Variants in ACOXL observed in about 807,000 individuals in gnomAD.
ACOXL encodes acyl-CoA oxidase like.
A neutral mutation model predicts 71.9 loss-of-function variants in ACOXL; 70 were observed. That is an observed-to-expected ratio of 0.97 (90% CI 0.80 to 1.19). The LOEUF (loss-of-function observed/expected upper bound fraction) is 1.19. Ranked by LOEUF, ACOXL falls within the 50% of genes most tolerant of loss-of-function variation. The pLI, the probability that ACOXL is intolerant of heterozygous loss-of-function variation, is 0.00. For missense variants in ACOXL, 703 were observed against 736.3 expected, an observed-to-expected ratio of 0.95 and a Z score of 0.52; for synonymous variants, 253 against 281.6, an observed-to-expected ratio of 0.90 and a Z score of 1.02.
chr2:110,905,563 C>G (rs148683675), intron 10 of ACOXL, among the ~76,000 whole-genome samples: 1 of 152,154 alleles, frequency 6.6e-6, no homozygotes, highest in East Asian at 1.9e-4. Context: ...AGTTACAGAA[C>G]ATAATTAACA....
intron 10 of ACOXL, among the ~76,000 whole-genome samples, chr2:110,881,249 T>A (rs1696603852): frequency 6.6e-6 from 1 of 151,968 alleles, no homozygotes; most frequent in Non-Finnish European, 1.5e-5. Flanking sequence ...TTCTAGTGAA[T>A]TCCACAGATC....
rs367989485 is a variant in ACOXL at position 111,031,597 on chromosome 2, A to G, written c.1282-30A>G. ...GTTAGACTCTCTCACAATATCCTCA[A>G]TGGTGATTTTTCTTCTGTCGATTGG... On this transcript the variant is annotated intron_variant, in intron 14 of 17. Coordinates refer to ENST00000439055, the MANE Select transcript of ACOXL (RefSeq NM_001142807.4). The G allele has an allele frequency of 3.2e-5, 51 of 1,598,666 alleles. 1 individual carries two copies. The African/African-American group carries it at 5.0e-4, about 16-fold the overall frequency.
At chr2:110,790,909 A>T (rs1414601856) in intron 3 of ACOXL, among the ~76,000 whole-genome samples, 2 of 152,128 alleles carry the variant, frequency 1.3e-5, no homozygotes, top group Non-Finnish European at 2.9e-5. Flanking sequence ...GGTGTCTCTC[A>T]GAGTCCTCTT....
intron 1 of ACOXL, among the ~76,000 whole-genome samples, chr2:110,734,304 C>CTGTTGTCCAGGCTGGAGTGCTGTGGTG (rs1676560608): frequency 1.3e-5 from 2 of 151,626 alleles, no homozygotes; most frequent in Admixed American, 1.3e-4. Context: ...GAGTCTGACT[C>CTGTTGTCCAGGCTGGAGTGCTGTGGTG]TGTTGTCCAG....
At chr2:111,089,073 G>A (rs2068377144) in intron 16 of ACOXL, among the ~76,000 whole-genome samples, 1 of 152,140 alleles carries the variant, frequency 6.6e-6, no homozygotes, top group Admixed American at 6.5e-5. Flanking sequence ...GGCCGAGGCA[G>A]GTGGATCACA....
chr2:110,773,219 C>T (rs761935661), intron 2 of ACOXL, among the ~76,000 whole-genome samples: 15 of 152,006 alleles, frequency 9.9e-5, no homozygotes, highest in Non-Finnish European at 2.2e-4. Context: ...AGGTAATCTC[C>T]GTTTGAGGTA....
intron 13 of ACOXL, among the ~76,000 whole-genome samples, chr2:110,994,767 G>C (rs1436226758): frequency 6.6e-6 from 1 of 152,126 alleles, no homozygotes; most frequent in Non-Finnish European, 1.5e-5. Flanking sequence ...ATTGCTGCCT[G>C]CTGAAGAAAG....
intron 14 of ACOXL, among the ~76,000 whole-genome samples, chr2:111,030,523 T>G (rs1408072898): frequency 6.6e-6 from 1 of 152,230 alleles, no homozygotes; most frequent in Non-Finnish European, 1.5e-5. Flanking sequence ...GGTAGAGGCT[T>G]TCAGCAGCGC....
chr2:110,907,611 G>T (rs1026177686), intron 10 of ACOXL, among the ~76,000 whole-genome samples: 13 of 152,134 alleles, frequency 8.5e-5, no homozygotes, highest in African/African-American at 2.9e-4. Context: ...AGTCATCTGT[G>T]GGGTGGTTAG....
chr2:110,997,729 T>C (rs559008909), intron 14 of ACOXL, among the ~76,000 whole-genome samples: 42 of 152,326 alleles, frequency 2.8e-4, no homozygotes, highest in African/African-American at 9.6e-4. Context: ...TGGCGGTCCC[T>C]GTGAAGCCAA....
chr2:110,963,778 T>G, intron 12 of ACOXL: 1 of 1,582,090 alleles, frequency 6.3e-7, no homozygotes, highest in Non-Finnish European at 8.6e-7. Context: ...TTCATATATT[T>G]TATCTTTATC....
chr2:110,930,244 CAA>C (rs1293953545), intron 11 of ACOXL, among the ~76,000 whole-genome samples: 5 of 152,362 alleles, frequency 3.3e-5, no homozygotes, highest in South Asian at 2.1e-4. Flanking sequence ...GGACGTGAGA[CAA>C]AGAGTCAAAG....
At chr2:110,735,570 A>T (rs543187280) in intron 1 of ACOXL, among the ~76,000 whole-genome samples, 2 of 152,302 alleles carry the variant, frequency 1.3e-5, no homozygotes, top group East Asian at 3.9e-4. Context: ...GTTCATTCCC[A>T]GGGTGCTGGC....
intron 15 of ACOXL, among the ~76,000 whole-genome samples, chr2:111,034,691 G>A (rs1009672960): frequency 1.3e-5 from 2 of 152,160 alleles, no homozygotes; most frequent in African/African-American, 4.8e-5. Context: ...TGTACAGAAC[G>A]GGTCCTAAAG....
intron 10 of ACOXL, among the ~76,000 whole-genome samples, chr2:110,889,478 C>T (rs1697691397): frequency 6.6e-6 from 1 of 152,158 alleles, no homozygotes; most frequent in Non-Finnish European, 1.5e-5. Flanking sequence ...ACCCTGTATT[C>T]TTTAGTAGTC....
At chr2:110,835,887 T>G (rs1690394924) in intron 9 of ACOXL, among the ~76,000 whole-genome samples, 1 of 152,202 alleles carries the variant, frequency 6.6e-6, no homozygotes, top group African/African-American at 2.4e-5. Flanking sequence ...AGACTGATAC[T>G]GCTGGTCCTC....
intron 14 of ACOXL, among the ~76,000 whole-genome samples, chr2:111,031,242 A>T (rs1015447410): frequency 2.6e-5 from 4 of 152,082 alleles, no homozygotes; most frequent in Non-Finnish European, 5.9e-5. Flanking sequence ...GGAAGGAAGG[A>T]GGGAACGTGG....
chr2:110,816,171 G>A lies in ACOXL; in HGVS notation c.753+10776G>A, dbSNP rs528311904. ...TGTATAAATGGATGCATGGATGGAC[G>A]GATGGATGGATAGATGGATGAATGG... On this transcript the variant is annotated intron_variant, in intron 9 of 17. Coordinates refer to ENST00000439055, the MANE Select transcript of ACOXL (RefSeq NM_001142807.4). Among the ~76,000 whole-genome samples the A allele has an allele frequency of 1.1e-4, 17 of 152,010 alleles. 1 individual carries two copies. The South Asian group carries it at 2.5e-3, about 22-fold the overall frequency.
chr2:110,886,096 C>CAT (rs1255911742), intron 10 of ACOXL, among the ~76,000 whole-genome samples: 2 of 152,258 alleles, frequency 1.3e-5, no homozygotes, highest in Admixed American at 6.5e-5. Flanking sequence ...GGCCCAAACC[C>CAT]ATATATATAC....
Sources: gnomAD v4.1 joint callset for allele counts (sites outside exome capture counted in the v4.1 genomes callset) on GRCh38, gnomAD v4.1.1 for gene constraint, MANE v1.5 for transcripts, NCBI Gene and HGNC (gene_info 2026-07-23, HGNC 2026-07-21) for gene names.